The following KCNH1 variants were observed in gnomAD, a reference collection of about 807,000 sequenced individuals.
The protein encoded by KCNH1 is potassium voltage-gated channel subfamily H member 1.
Under a neutral mutation model 69.2 loss-of-function variants are expected in KCNH1, and 27 were observed. That is an observed-to-expected ratio of 0.39 (90% CI 0.29 to 0.54). The LOEUF (loss-of-function observed/expected upper bound fraction) is 0.54, where lower values mean the gene tolerates loss of function less well. Among genes scored for constraint, KCNH1 ranks in the 20% least tolerant of loss-of-function variants. KCNH1 has a pLI of 0.68. For synonymous variants in KCNH1, 456 were observed against 487.7 expected, an observed-to-expected ratio of 0.93 and a Z score of 0.86; for missense variants, 798 against 1,261.6, an observed-to-expected ratio of 0.63 and a Z score of 5.57.
At chr1:210,688,862 G>C (rs1281732296) in intron 10 of KCNH1, among the ~76,000 whole-genome samples, 1 of 152,196 alleles carries the variant, frequency 6.6e-6, no homozygotes, top group East Asian at 1.9e-4. Flanking sequence ...ACTGCAAAAG[G>C]CCCAGCCCTG....
chr1:210,930,491 A>T (rs1325369995), intron 6 of KCNH1, among the ~76,000 whole-genome samples: 1 of 152,194 alleles, frequency 6.6e-6, no homozygotes, highest in East Asian at 1.9e-4. Flanking sequence ...ATGTAGAAGA[A>T]TAAAACAGAA....
At chr1:210,698,704 A>C (rs1282709942) in intron 10 of KCNH1, among the ~76,000 whole-genome samples, 1 of 152,154 alleles carries the variant, frequency 6.6e-6, no homozygotes, top group African/African-American at 2.4e-5. Context: ...CTTCACATAC[A>C]TTATTTCCAT....
chr1:211,078,231 A>T (rs768073124), intron 5 of KCNH1, among the ~76,000 whole-genome samples: 8 of 152,198 alleles, frequency 5.3e-5, no homozygotes, highest in Non-Finnish European at 1.2e-4. Flanking sequence ...GTTAACAAGG[A>T]TATTCAGGAC....
At chr1:210,889,220 T>C (rs2102519732) in intron 7 of KCNH1, among the ~76,000 whole-genome samples, 1 of 152,310 alleles carries the variant, frequency 6.6e-6, no homozygotes, top group African/African-American at 2.4e-5. Flanking sequence ...TCAAGTCAGC[T>C]TCATCCCTGG....
Position 210,819,921 on chromosome 1 carries a change from T to C in KCNH1, c.1463-15755A>G, listed in dbSNP as rs114180572. Among the ~76,000 whole-genome samples, 990 of 152,332 alleles carry C rather than the reference T, an allele frequency of 6.5e-3. 9 individuals carry two copies. Among genetic ancestry groups the C allele is most frequent in the African/African-American group, 0.02 (844 of 41,584 alleles). Reference sequence around the variant, plus strand: ...CTGGGCGAAGCCAGTGGTCATGCCATGAAGACACTCAACCAGCCCCAAGGA... The same window carrying C: ...CTGGGCGAAGCCAGTGGTCATGCCACGAAGACACTCAACCAGCCCCAAGGA... On this transcript the variant is annotated intron_variant, in intron 7 of 10. Transcript: ENST00000271751.
At chr1:210,835,743 T>G (rs1419954167) in intron 7 of KCNH1, among the ~76,000 whole-genome samples, 2 of 152,054 alleles carry the variant, frequency 1.3e-5, no homozygotes, top group African/African-American at 4.8e-5. Context: ...CCTAATTTAT[T>G]TAGAGGTAGG....
chr1:210,981,553 T>G (rs1000802685), intron 6 of KCNH1, among the ~76,000 whole-genome samples: 2 of 152,106 alleles, frequency 1.3e-5, no homozygotes, highest in African/African-American at 4.8e-5. Flanking sequence ...TGTAAAAATG[T>G]CTTCATTTGC....
chr1:210,933,398 G>A (rs953347454), intron 6 of KCNH1, among the ~76,000 whole-genome samples: 1 of 152,048 alleles, frequency 6.6e-6, no homozygotes, highest in African/African-American at 2.4e-5. Context: ...AGCTTTCGGA[G>A]ATATATCTAA....
In KCNH1 at chr1:210,775,387, G is replaced by C; in HGVS notation, c.2073C>G (p.Phe691Leu). The C allele has an allele frequency of 6.2e-7, 1 of 1,614,104 alleles. No individual in the cohort carries two copies. Among genetic ancestry groups the C allele is most frequent in the Non-Finnish European group, 8.5e-7 (1 of 1,179,990 alleles). ...TGTACGTCAGAATCAGGTTCCGGGA[G>C]AAGGAATGGGAGAAGGCCGTGTAGA... ...LEFYTAFSHS[F>L]SRNLILTYNL... The change falls in exon 10 of 11, where the codon TTC becomes TTG. Residue 691 changes from phenylalanine (F) to leucine (L), a missense_variant. Phe to Leu is a conservative substitution (Grantham distance 22, BLOSUM62 0). This residue lies in a region of KCNH1 where 197 missense variants were observed against 407.7 expected (regional missense o/e 0.48). Transcript: ENST00000271751.
chr1:210,723,716 C>CA (rs1395715501), intron 10 of KCNH1, among the ~76,000 whole-genome samples: 1 of 151,986 alleles, frequency 6.6e-6, no homozygotes, highest in African/African-American at 2.4e-5. Flanking sequence ...GAAAACATAC[C>CA]AAAAAACCCC....
At chr1:210,950,336 A>G (rs932861989) in intron 6 of KCNH1, among the ~76,000 whole-genome samples, 4 of 142,268 alleles carry the variant, frequency 2.8e-5, no homozygotes, top group Non-Finnish European at 6.1e-5. Context: ...GTCATCTAGC[A>G]TTAGGTATAT....
intron 6 of KCNH1, among the ~76,000 whole-genome samples, chr1:210,982,238 T>C (rs1446928156): frequency 3.3e-5 from 5 of 151,688 alleles, no homozygotes; most frequent in Non-Finnish European, 5.9e-5. Flanking sequence ...TTATTATTAT[T>C]ATTATTATTA....
chr1:210,887,865 CTAAA>C (rs1686651007), intron 7 of KCNH1, among the ~76,000 whole-genome samples: 1 of 151,992 alleles, frequency 6.6e-6, no homozygotes, highest in South Asian at 2.1e-4. Context: ...GCTAACTATC[CTAAA>C]TATATATATG....
chr1:210,771,514 T>C (rs1683753849), intron 10 of KCNH1, among the ~76,000 whole-genome samples: 1 of 152,134 alleles, frequency 6.6e-6, no homozygotes, highest in Admixed American at 6.5e-5. Flanking sequence ...CACAGAACAT[T>C]GCGCAGGGCA....
intron 7 of KCNH1, among the ~76,000 whole-genome samples, chr1:210,855,666 T>C (rs1685817425): frequency 6.6e-6 from 1 of 152,206 alleles, no homozygotes; most frequent in Non-Finnish European, 1.5e-5. Flanking sequence ...TAGGCTCATG[T>C]GCTATTTGGG....
chr1:211,000,617 C>T (rs992381558), intron 6 of KCNH1, among the ~76,000 whole-genome samples: 1 of 152,126 alleles, frequency 6.6e-6, no homozygotes, highest in African/African-American at 2.4e-5. Context: ...AATGCCATCC[C>T]CATCAAGCTA....
intron 5 of KCNH1, among the ~76,000 whole-genome samples, chr1:211,073,290 C>T (rs1204993742): frequency 1.3e-5 from 2 of 152,126 alleles, no homozygotes; most frequent in Admixed American, 6.5e-5. Flanking sequence ...GACTTCAATG[C>T]CTCTCTATCA....
chr1:210,989,354 TC>T (rs1251404567), intron 6 of KCNH1, among the ~76,000 whole-genome samples: 2 of 152,250 alleles, frequency 1.3e-5, no homozygotes, highest in African/African-American at 2.4e-5. Flanking sequence ...TCAAAGCCAG[TC>T]TGTGAGTTTT....
chr1:210,955,654 C>A (rs982430852), intron 6 of KCNH1, among the ~76,000 whole-genome samples: 1 of 152,066 alleles, frequency 6.6e-6, no homozygotes, highest in Non-Finnish European at 1.5e-5. Flanking sequence ...ATTTTATTCT[C>A]TTTGTAGCAA....
Sources: allele counts gnomAD v4.1 joint callset (sites outside exome capture counted in the v4.1 genomes callset), GRCh38; gene constraint gnomAD v4.1.1; regional missense constraint gnomAD v4.1.1; transcripts MANE v1.5; gene names NCBI Gene and HGNC (gene_info 2026-07-23, HGNC 2026-07-21).